The following PCSK2 variants were observed in gnomAD, a reference collection of about 807,000 sequenced individuals.
The protein encoded by PCSK2 is proprotein convertase subtilisin/kexin type 2.
Under a neutral mutation model 69.7 loss-of-function variants are expected in PCSK2, and 14 were observed. The ratio of observed to expected loss-of-function variants is 0.20; its 90% confidence interval spans 0.13 to 0.31. The LOEUF (loss-of-function observed/expected upper bound fraction) is 0.31. PCSK2 is among the 10% of genes least tolerant of loss of function. PCSK2 has a pLI of 1.00. For missense variants in PCSK2, 544 were observed against 842.5 expected (o/e 0.65, Z 4.39); for synonymous variants, 307 against 320.7 (o/e 0.96, Z 0.46).
At chr20:17,369,988 C>T (rs190319636) in intron 5 of PCSK2, among the ~76,000 whole-genome samples, 9 of 152,334 alleles carry the variant, frequency 5.9e-5, no homozygotes, top group African/African-American at 2.2e-4. Context: ...AGCAGAGAAT[C>T]ACCAAAAGCC....
At chr20:17,270,560 G>C (rs1027411670) in intron 2 of PCSK2, among the ~76,000 whole-genome samples, 2 of 152,206 alleles carry the variant, frequency 1.3e-5, no homozygotes, top group South Asian at 4.1e-4. Flanking sequence ...TCTCTACGAT[G>C]AGCATGTCCC....
chr20:17,414,133 G>A (rs545122891), intron 6 of PCSK2, among the ~76,000 whole-genome samples: 3 of 152,014 alleles, frequency 2.0e-5, no homozygotes, highest in East Asian at 1.9e-4. Flanking sequence ...CTAGAGAAGC[G>A]ACAGTGAACA....
At chr20:17,282,045 A>G (rs1988336051) in intron 2 of PCSK2, among the ~76,000 whole-genome samples, 1 of 152,030 alleles carries the variant, frequency 6.6e-6, no homozygotes, top group Non-Finnish European at 1.5e-5. Context: ...AATATTCTCT[A>G]TTAGTCTGAC....
At chr20:17,421,282 G>C (rs2032120559) in intron 6 of PCSK2, among the ~76,000 whole-genome samples, 1 of 152,144 alleles carries the variant, frequency 6.6e-6, no homozygotes, top group Non-Finnish European at 1.5e-5. Context: ...GAAAGCAATG[G>C]GTGCTTGCCA....
rs1255373139 is a variant in PCSK2 at position 17,227,041 on chromosome 20, C to T, written c.-265C>T. 1.3e-5 allele frequency: 6 copies of T among 449,882 alleles called. No individual in the cohort carries two copies. The highest frequency in any genetic ancestry group is 2.4e-5 in the Non-Finnish European group (6 of 253,590). 27.9% of individuals were successfully genotyped at this position (449,882 alleles called of 1,614,324 possible). A position where few individuals can be genotyped will look rare whatever the true frequency, so the allele number is the denominator to read the frequency against. On this transcript the variant is annotated 5_prime_UTR_variant, in exon 1 of 12. Transcript: ENST00000262545. ...AGCATCAAGCACAGACCTACACTCG[C>T]TCTTTCTCTCCGGTACACACAGCTC...
intron 1 of PCSK2, among the ~76,000 whole-genome samples, chr20:17,240,669 C>T (rs962609228): frequency 6.6e-6 from 1 of 152,168 alleles, no homozygotes; most frequent in African/African-American, 2.4e-5. Context: ...GTGAGTGAGG[C>T]TGTATGTCAG....
intron 1 of PCSK2, among the ~76,000 whole-genome samples, chr20:17,241,665 T>C (rs767969558): frequency 2.0e-5 from 3 of 152,346 alleles, no homozygotes; most frequent in Admixed American, 1.3e-4. Flanking sequence ...GATTAATTAT[T>C]GTCCTTGTAG....
intron 2 of PCSK2, among the ~76,000 whole-genome samples, chr20:17,274,399 T>A (rs532031317): frequency 6.6e-6 from 1 of 152,296 alleles, no homozygotes; most frequent in African/African-American, 2.4e-5. Context: ...TTCACCCATG[T>A]GAAGGCTCTG....
chr20:17,277,951 C>CA (rs1988154728), intron 2 of PCSK2, among the ~76,000 whole-genome samples: 2 of 151,644 alleles, frequency 1.3e-5, no homozygotes, highest in South Asian at 4.2e-4. Context: ...TTTATGCAGC[C>CA]AAAAAACACA....
intron 5 of PCSK2, among the ~76,000 whole-genome samples, chr20:17,373,325 C>A (rs2123237807): frequency 6.6e-6 from 1 of 152,278 alleles, no homozygotes; most frequent in South Asian, 2.1e-4. Flanking sequence ...CCAGAGTGAT[C>A]CCCCTTGGGA....
chr20:17,376,565 G>C (rs151296116), intron 5 of PCSK2, among the ~76,000 whole-genome samples: 2 of 152,020 alleles, frequency 1.3e-5, no homozygotes, highest in Non-Finnish European at 2.9e-5. Flanking sequence ...TGGCTTCTAG[G>C]CCTATCCTAG....
chr20:17,411,869 A>G (rs1431237530), intron 6 of PCSK2, among the ~76,000 whole-genome samples: 2 of 152,246 alleles, frequency 1.3e-5, no homozygotes, highest in African/African-American at 4.8e-5. Context: ...GCTGTTCTGC[A>G]GCCTCTGCTG....
chr20:17,266,129 T>C (rs1365462488), intron 2 of PCSK2, among the ~76,000 whole-genome samples: 1 of 152,190 alleles, frequency 6.6e-6, no homozygotes, highest in African/African-American at 2.4e-5. Context: ...TTCAGTGAGC[T>C]CAGCTATAAA....
At chr20:17,289,298 T>TA (rs1049323917) in intron 2 of PCSK2, among the ~76,000 whole-genome samples, 171 of 151,884 alleles carry the variant, frequency 1.1e-3, no homozygotes, top group African/African-American at 3.8e-3. Context: ...AGTTTTGCAT[T>TA]AAAAAAAATA....
intron 8 of PCSK2, among the ~76,000 whole-genome samples, chr20:17,442,219 T>C (rs900495592): frequency 2.0e-5 from 3 of 151,770 alleles, no homozygotes; most frequent in African/African-American, 7.3e-5. Flanking sequence ...GAATCTATTA[T>C]GTCTCCAGAA....
intron 2 of PCSK2, among the ~76,000 whole-genome samples, chr20:17,331,854 G>C (rs1990216121): frequency 6.6e-6 from 1 of 151,914 alleles, no homozygotes; most frequent in African/African-American, 2.4e-5. Flanking sequence ...AAAGTAATTG[G>C]GTCAAAATCA....
rs2123230364 is a variant in PCSK2, at chr20:17,369,392, G to A, written c.543+115G>A. ...TCTATACACATGCATGCAAGTACAG[G>A]AGCATGCACACACACACACACACAG... is the stretch of plus-strand genomic sequence containing the variant. On this transcript the variant is annotated intron_variant, in intron 5 of 11. Transcript: ENST00000262545. 5 of 801,476 alleles carry A rather than the reference G, an allele frequency of 6.2e-6. No homozygotes were observed. The Middle Eastern group carries it at 6.6e-4, about 107-fold the overall frequency. The allele number at this position is 801,476 out of a possible 1,614,324, so 49.6% of individuals were successfully genotyped here.
chr20:17,434,263 C>T (rs1378753210), intron 7 of PCSK2, among the ~76,000 whole-genome samples: 7 of 151,874 alleles, frequency 4.6e-5, no homozygotes, highest in East Asian at 1.9e-4. Flanking sequence ...CTCTCTCACT[C>T]GGTCTACTCT....
At chr20:17,414,115 T>G (rs2031942014) in intron 6 of PCSK2, among the ~76,000 whole-genome samples, 4 of 151,856 alleles carry the variant, frequency 2.6e-5, no homozygotes, top group Admixed American at 6.6e-5. Flanking sequence ...ACATCACAAT[T>G]AAAAGAACTA....
Sources: gnomAD v4.1 joint callset for allele counts (sites outside exome capture counted in the v4.1 genomes callset) on GRCh38, gnomAD v4.1.1 for gene constraint, MANE v1.5 for transcripts, NCBI Gene and HGNC (gene_info 2026-07-23, HGNC 2026-07-21) for gene names.